TRIM2: variants seen among roughly 807,000 people sequenced by gnomAD.
The protein encoded by TRIM2 is tripartite motif containing 2, also known as tripartite motif-containing protein 2.
Under a neutral mutation model 75.2 loss-of-function variants are expected in TRIM2, and 20 were observed. The observed-to-expected ratio is 0.27, with a 90% CI of 0.19 to 0.39. The LOEUF (loss-of-function observed/expected upper bound fraction) is 0.39, where lower values mean the gene tolerates loss of function less well. TRIM2 is among the 10% of genes least tolerant of loss of function. The probability of loss-of-function intolerance (pLI) is 1.00; values close to 1 mark genes in which losing one functional copy is unlikely to be tolerated. For synonymous variants in TRIM2, 373 were observed against 388.3 expected (o/e 0.96, Z 0.46); for missense variants, 660 against 990.8 (o/e 0.67, Z 4.48).
At chr4:153,198,688 T>G (rs377571426) in intron 1 of TRIM2, among the ~76,000 whole-genome samples, 1 of 152,348 alleles carries the variant, frequency 6.6e-6, no homozygotes, top group East Asian at 1.9e-4. Flanking sequence ...ATATCATTTT[T>G]TTAAAAATCA....
At chr4:153,256,933 C>T (rs1752208541) in intron 1 of TRIM2, among the ~76,000 whole-genome samples, 1 of 137,320 alleles carries the variant, frequency 7.3e-6, no homozygotes, top group Middle Eastern at 4.0e-3. Flanking sequence ...TTGTTTTTTG[C>T]ATTTAAAAAA....
intron 11 of TRIM2, among the ~76,000 whole-genome samples, chr4:153,330,497 A>G (rs1271340109): frequency 6.6e-6 from 1 of 152,174 alleles, no homozygotes; most frequent in Non-Finnish European, 1.5e-5. Context: ...CTGGTTTAGT[A>G]TTAGAAAATC....
chr4:153,223,241 C>T (rs573518242), intron 1 of TRIM2, among the ~76,000 whole-genome samples: 1 of 152,128 alleles, frequency 6.6e-6, no homozygotes, highest in South Asian at 2.1e-4. Flanking sequence ...CTGGACGCCG[C>T]GCGGCTCCCA....
intron 6 of TRIM2, among the ~76,000 whole-genome samples, chr4:153,303,493 A>G (rs1377018309): frequency 1.3e-5 from 2 of 150,562 alleles, no homozygotes; most frequent in African/African-American, 4.9e-5. Flanking sequence ...AAAAAAAAAG[A>G]GTTCAACTTT....
At chr4:153,238,535 G>A (rs1236914173) in intron 1 of TRIM2, among the ~76,000 whole-genome samples, 1 of 152,160 alleles carries the variant, frequency 6.6e-6, no homozygotes, top group Non-Finnish European at 1.5e-5. Context: ...AGGGAAGAAA[G>A]GACTGGACTC....
At chr4:153,204,671 T>C in intron 1 of TRIM2, 111 bp downstream of exon 1, 2 of 1,383,198 alleles carry the variant, frequency 1.4e-6, no homozygotes, top group Middle Eastern at 1.8e-4. Flanking sequence ...GTTTTAATTT[T>C]TTCCCTGCAG....
intron 6 of TRIM2, among the ~76,000 whole-genome samples, chr4:153,310,858 T>A (rs1273421114): frequency 1.3e-5 from 2 of 152,224 alleles, no homozygotes; most frequent in Non-Finnish European, 2.9e-5. Context: ...CAGACATTCC[T>A]CTGACCTTGT....
At chr4:153,283,634 T>G (rs998435640) in intron 3 of TRIM2, among the ~76,000 whole-genome samples, 1 of 134,196 alleles carries the variant, frequency 7.5e-6, no homozygotes, top group Admixed American at 7.6e-5. Flanking sequence ...CCGTCAACTG[T>G]TTTTTTTCTT....
At chr4:153,264,244 A>G (rs139644218) in intron 1 of TRIM2, among the ~76,000 whole-genome samples, 2 of 152,332 alleles carry the variant, frequency 1.3e-5, no homozygotes, top group African/African-American at 4.8e-5. Flanking sequence ...GCTAAGGTCA[A>G]TATCAAACTA....
At chr4:153,207,307 A>G (rs1025416008) in intron 1 of TRIM2, among the ~76,000 whole-genome samples, 4 of 152,174 alleles carry the variant, frequency 2.6e-5, no homozygotes, top group Admixed American at 2.0e-4. Context: ...GGGACAGACG[A>G]CACACAGAGG....
At position 153,293,164 on chromosome 4, in the gene TRIM2, G is replaced by T. The variant is rs774578303; in HGVS notation, c.605+31G>T. The T allele has an allele frequency of 3.2e-6, 5 of 1,583,566 alleles. No individual in the cohort carries two copies. The Admixed American group carries it at 5.1e-5, about 16-fold the overall frequency. ...GGACCCCTCCCCAAACCCCCAACTG[G>T]CTGCCTGTACTTGAGGCCTGGCCTC... On this transcript the variant is annotated intron_variant, in intron 4 of 11. Coordinates refer to ENST00000338700, the MANE Select transcript of TRIM2 (RefSeq NM_015271.5).
chr4:153,192,594 C>T (rs1733312501), intron 1 of TRIM2, among the ~76,000 whole-genome samples: 1 of 111,516 alleles, frequency 9.0e-6, no homozygotes, highest in Admixed American at 1.0e-4. Flanking sequence ...GTGACAGAGA[C>T]CCTATCTCAA....
rs1301070288 is a variant in TRIM2 at position 153,260,700 on chromosome 4, C to CACACA, written c.31-9635_31-9634insACACA. Among the ~76,000 whole-genome samples, 22 of 67,904 alleles carry CACACA rather than the reference C, an allele frequency of 3.2e-4. 1 individual carries two copies. The highest frequency in any genetic ancestry group is 2.7e-3 in the South Asian group (3 of 1,128). 44.5% of individuals were successfully genotyped at this position (67,904 alleles called of 152,430 possible). On this transcript the variant is annotated intron_variant, in intron 1 of 11. Coordinates refer to ENST00000338700, the MANE Select transcript of TRIM2 (RefSeq NM_015271.5). ...CCCACCCACACACCCACCCCCCCCC[C>CACACA]CACACACACACACACACACACACAC...
At chr4:153,280,678 C>A (rs1460060094) in intron 3 of TRIM2, among the ~76,000 whole-genome samples, 1 of 144,814 alleles carries the variant, frequency 6.9e-6, no homozygotes, top group African/African-American at 2.8e-5. Flanking sequence ...TATGTCCAGC[C>A]CACCAGCAAA....
In TRIM2 at chr4:153,295,888, G is replaced by T. The variant is rs1368969648; in HGVS notation, c.1362G>T (p.Val454=). ...FKLKVIRSAD[V]SPTTEGVKRR... ...TGAAAGTGATCCGATCCGCTGATGT[G>T]TCTCCCACCACAGAAGGCGTGAAGA... The change falls in exon 6 of 12, where the codon GTG becomes GTT. Residue 454 remains valine (V), a synonymous_variant. Transcript: ENST00000338700. This position sits in a 1 kb window ranked among gnomAD's most constrained non-coding sequence, Gnocchi z 7.2. 1 of 1,613,686 alleles carries T rather than the reference G, an allele frequency of 6.2e-7. No individual in the cohort carries two copies. Among genetic ancestry groups the T allele is most frequent in the East Asian group, 2.2e-5 (1 of 44,878 alleles).
At chr4:153,322,138 G>A (rs964265629) in intron 8 of TRIM2, among the ~76,000 whole-genome samples, 5 of 151,614 alleles carry the variant, frequency 3.3e-5, no homozygotes, top group African/African-American at 7.3e-5. Context: ...GGCTGGGCAC[G>A]AGGGCTCATG....
chr4:153,292,948 C>T (rs1762113285), intron 3 of TRIM2, 34 bp from the exon 4 acceptor site: 1 of 1,564,838 alleles, frequency 6.4e-7, no homozygotes, highest in Non-Finnish European at 8.7e-7. Context: ...AACCCATGGC[C>T]CAGAACCAGG....
At chr4:153,260,209 T>C (rs1306033689) in intron 1 of TRIM2, among the ~76,000 whole-genome samples, 2 of 152,068 alleles carry the variant, frequency 1.3e-5, no homozygotes. Context: ...GACCTCTACC[T>C]TTTTTTGTGG....
At chr4:153,188,536 C>T (rs569615896) in intron 1 of TRIM2, among the ~76,000 whole-genome samples, 8 of 152,336 alleles carry the variant, frequency 5.3e-5, no homozygotes, top group African/African-American at 1.7e-4. Flanking sequence ...CCTTGTTCTT[C>T]CCTGGGGTTC....
Sources: gnomAD v4.1 joint callset for allele counts (sites outside exome capture counted in the v4.1 genomes callset) on GRCh38, gnomAD v4.1.1 for gene constraint, Gnocchi (gnomAD v3.1) non-coding constraint, MANE v1.5 for transcripts, NCBI Gene and HGNC (gene_info 2026-07-23, HGNC 2026-07-21) for gene names.